ZBBX: variants seen among roughly 807,000 people sequenced by gnomAD.
ZBBX encodes zinc finger B-box domain containing, also known as zinc finger B-box domain-containing protein 1.
ZBBX carries 101 observed loss-of-function variants against 108.5 expected under a neutral mutation model. That is an observed-to-expected ratio of 0.93 (90% CI 0.79 to 1.10). The LOEUF (loss-of-function observed/expected upper bound fraction) is 1.10. Ranked by LOEUF, ZBBX falls within the 50% of genes least tolerant of loss-of-function variation. The probability of loss-of-function intolerance (pLI) is 0.00; values close to 1 mark genes in which losing one functional copy is unlikely to be tolerated. For synonymous variants in ZBBX, 356 were observed against 323.4 expected (o/e 1.10, Z -1.08); for missense variants, 1,009 against 941.4 (o/e 1.07, Z -0.94).
the ZBBX span, among the ~76,000 whole-genome samples, chr3:167,184,020 A>C: frequency 6.6e-6 from 1 of 152,240 alleles, no homozygotes; most frequent in South Asian, 2.1e-4. Context: ...ATGAAAATGA[A>C]TGATGAGTTC....
At chr3:167,380,771 G>A (rs1434128182), upstream of ZBBX, among the ~76,000 whole-genome samples, 1 of 151,746 alleles carries the variant, frequency 6.6e-6, no homozygotes. Context: ...GAGATTCCAG[G>A]TCTCTTCAAA....
chr3:167,216,470 A>G, the ZBBX span, among the ~76,000 whole-genome samples: 1 of 152,108 alleles, frequency 6.6e-6, no homozygotes, highest in Non-Finnish European at 1.5e-5. Context: ...AAAGAAATCA[A>G]AGAAGACACA....
chr3:167,190,612 C>T, the ZBBX span, among the ~76,000 whole-genome samples: 2 of 152,124 alleles, frequency 1.3e-5, no homozygotes, highest in Non-Finnish European at 2.9e-5. Context: ...GATCTCCCGA[C>T]CTCGTGATCT....
chr3:167,401,884 GATAAA>G (rs1470345517), intron 1 of ZBBX, among the ~76,000 whole-genome samples: 1 of 152,102 alleles, frequency 6.6e-6, no homozygotes, highest in Non-Finnish European at 1.5e-5. Flanking sequence ...AATGTCAAAA[GATAAA>G]ATAAAAATCA....
chr3:167,355,382 C>A (rs1210470326), intron 8 of ZBBX, among the ~76,000 whole-genome samples: 1 of 151,822 alleles, frequency 6.6e-6, no homozygotes, highest in Non-Finnish European at 1.5e-5. Flanking sequence ...ACCTATTTCA[C>A]AAATGAGGAA....
At chr3:167,282,544 T>C (rs764915389) in intron 19 of ZBBX, 49 bp from the exon 20 acceptor site, 2 of 1,496,444 alleles carry the variant, frequency 1.3e-6, no homozygotes, top group Admixed American at 3.8e-5. Context: ...AAAATTTGAA[T>C]GAGTACTTAA....
At chr3:167,238,122 A>G (rs1281811790), downstream of ZBBX, among the ~76,000 whole-genome samples, 3 of 152,022 alleles carry the variant, frequency 2.0e-5, no homozygotes, top group African/African-American at 7.2e-5. Context: ...CAGATATGCT[A>G]AAATATGTAC....
chr3:167,351,214 A>C (rs1373223099), intron 8 of ZBBX, among the ~76,000 whole-genome samples: 1 of 152,186 alleles, frequency 6.6e-6, no homozygotes, highest in African/African-American at 2.4e-5. Flanking sequence ...TTAAAAATGT[A>C]ATTTTAAAAT....
intron 15 of ZBBX, among the ~76,000 whole-genome samples, chr3:167,314,327 C>T (rs1316072984): frequency 1.3e-5 from 2 of 151,928 alleles, no homozygotes; most frequent in Non-Finnish European, 2.9e-5. Flanking sequence ...GGTAACTGGA[C>T]CAAATCTAAT....
intron 9 of ZBBX, among the ~76,000 whole-genome samples, chr3:167,336,430 T>C (rs765919067): frequency 1.4e-4 from 22 of 152,184 alleles, no homozygotes; most frequent in Non-Finnish European, 2.5e-4. Flanking sequence ...TCTTAAACAT[T>C]ACTTTTCTCC....
chr3:167,256,565 C>A (rs1231167758), intron 20 of ZBBX, among the ~76,000 whole-genome samples: 1 of 152,000 alleles, frequency 6.6e-6, no homozygotes, highest in African/African-American at 2.4e-5. Flanking sequence ...TTATTTCTAA[C>A]TATTTTTTGG....
At chr3:167,293,481 A>G (rs1731084276) in intron 18 of ZBBX, among the ~76,000 whole-genome samples, 1 of 152,254 alleles carries the variant, frequency 6.6e-6, no homozygotes, top group Non-Finnish European at 1.5e-5. Context: ...AAGGCCTTCA[A>G]CAAAATTCAA....
chr3:167,317,251 T>G, intron 13 of ZBBX, 146 bp from the exon 14 acceptor site: 1 of 665,382 alleles, frequency 1.5e-6, no homozygotes. Context: ...CCAGTTCAAG[T>G]GAAATACACA....
chr3:167,340,064 A>C (rs78052859), intron 9 of ZBBX, among the ~76,000 whole-genome samples: 1 of 152,284 alleles, frequency 6.6e-6, no homozygotes, highest in Non-Finnish European at 1.5e-5. Context: ...ATTAGAAGTC[A>C]TCAAAACATT....
At chr3:167,334,091 A>G in intron 9 of ZBBX, 106 bp from the exon 10 acceptor site, 1 of 767,224 alleles carries the variant, frequency 1.3e-6, no homozygotes, top group African/African-American at 1.8e-5. Flanking sequence ...AGAATTAAAT[A>G]AATTCAATTT....
chr3:167,224,612 A>G, the ZBBX span, among the ~76,000 whole-genome samples: 1 of 151,984 alleles, frequency 6.6e-6, no homozygotes, highest in Non-Finnish European at 1.5e-5. Flanking sequence ...ACGTTTGGAA[A>G]ACATGCCATC....
chr3:167,279,686 A>G (rs1728399108), intron 20 of ZBBX, among the ~76,000 whole-genome samples: 1 of 152,096 alleles, frequency 6.6e-6, no homozygotes, highest in African/African-American at 2.4e-5. Flanking sequence ...GGTAATTTAT[A>G]GATTCAATGC....
the ZBBX span, among the ~76,000 whole-genome samples, chr3:167,203,512 A>G: frequency 1.3e-5 from 2 of 152,272 alleles, no homozygotes; most frequent in African/African-American, 4.8e-5. Context: ...GAAAGGATAT[A>G]TACAGAAAAG....
chr3:167,323,543 T>C (rs918307591), intron 11 of ZBBX, among the ~76,000 whole-genome samples: 10 of 152,114 alleles, frequency 6.6e-5, no homozygotes, highest in African/African-American at 2.4e-4. Context: ...AGCTCTTGTT[T>C]AGAATTGCTT....
Sources: allele counts gnomAD v4.1 joint callset (sites outside exome capture counted in the v4.1 genomes callset), GRCh38; gene constraint gnomAD v4.1.1; transcripts MANE v1.5; gene names NCBI Gene and HGNC (gene_info 2026-07-23, HGNC 2026-07-21).